The following PLCE1 variants were observed in gnomAD, a reference collection of about 807,000 sequenced individuals.
PLCE1 encodes the protein phospholipase C epsilon 1.
A neutral mutation model predicts 242.8 loss-of-function variants in PLCE1; 119 were observed. The ratio of observed to expected loss-of-function variants is 0.49; its 90% CI spans 0.42 to 0.57. The LOEUF (loss-of-function observed/expected upper bound fraction) is 0.57, where lower values mean the gene tolerates loss of function less well. Ranked by LOEUF, PLCE1 falls within the 20% of genes least tolerant of loss-of-function variation. The probability of loss-of-function intolerance (pLI) is 0.00; values close to 1 mark genes in which losing one functional copy is unlikely to be tolerated. For missense variants in PLCE1, 2,441 were observed against 2,788.8 expected (o/e 0.88, Z 2.81); for synonymous variants, 945 against 1,017.4 (o/e 0.93, Z 1.35).
At chr10:94,259,285 A>ATT (rs369272321) in intron 13 of PLCE1, 135 bp downstream of exon 13, 1,687 of 727,142 alleles carry the variant, frequency 2.3e-3, no homozygotes, top group Non-Finnish European at 3.0e-3. Context: ...ACTTAAGAGA[A>ATT]TTTTTTTTTT....
chr10:94,234,254 G>A lies in PLCE1; in HGVS notation c.2156G>A (p.Gly719Asp). Residue 719 changes from glycine to aspartate, a missense_variant, in exon 6 of 33, where the codon GGC (glycine) becomes GAC (aspartate). Gly to Asp is a moderately conservative substitution (Grantham distance 94). This residue lies in a region of PLCE1 where 733 missense variants were observed against 754.2 expected (regional missense o/e 0.97). Transcript: ENST00000371380. ...AAGGAGCTCTGTGAAGTGCTTGACG[G>A]CGCCTCCGGTCTCATGAAGCTTTGC... The part of the protein sequence containing the change: ...FLKELCEVLD[G>D]ASGLMKLCPR... The A allele has an allele frequency of 1.9e-6, 3 of 1,614,134 alleles. No individual in the cohort carries two copies. Among genetic ancestry groups the A allele is most frequent in the Non-Finnish European group, 2.5e-6 (3 of 1,179,992 alleles).
intron 23 of PLCE1, among the ~76,000 whole-genome samples, chr10:94,296,170 G>A (rs571947768): frequency 6.6e-6 from 1 of 152,044 alleles, no homozygotes; most frequent in Admixed American, 6.5e-5. Flanking sequence ...AGACCATCCT[G>A]GCTAACACGG....
chr10:94,270,542 C>CAT lies in PLCE1; in HGVS notation c.4449_4450dup (p.Ser1484TyrfsTer28). ...TCATCAACTCTGACCTGCCAATCAT[C>CAT]ATATCGATTGAGAACCACTGTTCAT... On this transcript the variant is annotated frameshift_variant, in exon 18 of 33. Transcript: ENST00000371380. LOFTEE classifies it high-confidence loss of function. 1 of 1,614,024 alleles carries CAT rather than the reference C, an allele frequency of 6.2e-7. No homozygotes were observed.
At chr10:94,290,167 C>T (rs909935260) in intron 22 of PLCE1, among the ~76,000 whole-genome samples, 1 of 151,814 alleles carries the variant, frequency 6.6e-6, no homozygotes, top group Admixed American at 6.6e-5. Flanking sequence ...GCTAGGACTA[C>T]AGGCATGTGC....
intron 4 of PLCE1, among the ~76,000 whole-genome samples, chr10:94,217,985 C>A (rs1488316189): frequency 2.0e-5 from 3 of 150,908 alleles, no homozygotes; most frequent in Non-Finnish European, 3.0e-5. Context: ...TACTTATACA[C>A]AAGGGTAAGA....
chr10:94,012,248 C>G (rs975553928), intron 1 of PLCE1, among the ~76,000 whole-genome samples: 10 of 151,868 alleles, frequency 6.6e-5, no homozygotes, highest in Non-Finnish European at 1.3e-4. Flanking sequence ...CTGTTTGCAG[C>G]ACAGGGAACT....
At chr10:94,307,485 G>A (rs17516904) in intron 26 of PLCE1, among the ~76,000 whole-genome samples, 21,355 of 152,188 alleles carry the variant, frequency 0.14, 1,646 homozygotes, top group Middle Eastern at 0.28. Flanking sequence ...CAAGTAGCCC[G>A]TGGTCATTTA....
chr10:94,232,831 T>C (rs1456524342), intron 5 of PLCE1, among the ~76,000 whole-genome samples: 1 of 152,160 alleles, frequency 6.6e-6, no homozygotes, highest in Non-Finnish European at 1.5e-5. Context: ...ACATATCTAC[T>C]GGAATCCTCT....
intron 2 of PLCE1, among the ~76,000 whole-genome samples, chr10:94,058,664 C>A (rs1167043213): frequency 6.6e-6 from 1 of 152,128 alleles, no homozygotes; most frequent in Non-Finnish European, 1.5e-5. Context: ...GCTCAAAGTC[C>A]TGGGTTCTGG....
intron 2 of PLCE1, among the ~76,000 whole-genome samples, chr10:94,075,303 C>A (rs557375162): frequency 6.6e-6 from 1 of 152,186 alleles, no homozygotes; most frequent in African/African-American, 2.4e-5. Flanking sequence ...CCATCTAATA[C>A]GAAGTAGGTG....
intron 27 of PLCE1, 69 bp downstream of exon 27, chr10:94,308,768 C>A: frequency 2.0e-6 from 2 of 992,058 alleles, no homozygotes; most frequent in Non-Finnish European, 3.3e-6. Flanking sequence ...TTTTTTGTGG[C>A]CCAGCAAAGT....
At chr10:94,277,511 G>A (rs957982678) in intron 19 of PLCE1, among the ~76,000 whole-genome samples, 2 of 152,088 alleles carry the variant, frequency 1.3e-5, no homozygotes, top group Non-Finnish European at 2.9e-5. Context: ...TGGGGGCCTT[G>A]GCACTCCACT....
intron 1 of PLCE1, among the ~76,000 whole-genome samples, chr10:94,019,900 AT>A (rs1461633163): frequency 6.6e-6 from 1 of 152,102 alleles, no homozygotes. Flanking sequence ...ACTACAAGTT[AT>A]TTATTTGTCT....
chr10:94,301,301 G>C (rs895897604), intron 24 of PLCE1, among the ~76,000 whole-genome samples: 1 of 151,604 alleles, frequency 6.6e-6, no homozygotes, highest in Non-Finnish European at 1.5e-5. Flanking sequence ...CCGAGATCGC[G>C]CCACTGCACT....
chr10:94,244,294 C>A (rs976436728), intron 7 of PLCE1, among the ~76,000 whole-genome samples: 1 of 152,182 alleles, frequency 6.6e-6, no homozygotes, highest in Non-Finnish European at 1.5e-5. Context: ...AGCATGAGAG[C>A]CTTCCTTCCC....
At chr10:94,068,323 A>G (rs1032609680) in intron 2 of PLCE1, among the ~76,000 whole-genome samples, 1 of 152,208 alleles carries the variant, frequency 6.6e-6, no homozygotes, top group African/African-American at 2.4e-5. Flanking sequence ...TTGTAATAGT[A>G]CAGTTGACCC....
intron 4 of PLCE1, among the ~76,000 whole-genome samples, chr10:94,193,705 C>G (rs777511183): frequency 2.0e-5 from 3 of 152,172 alleles, no homozygotes; most frequent in Non-Finnish European, 4.4e-5. Flanking sequence ...GGGGCCAAAA[C>G]GAATTTCAAA....
At chr10:94,136,352 C>T (rs979340217) in intron 3 of PLCE1, among the ~76,000 whole-genome samples, 10 of 152,074 alleles carry the variant, frequency 6.6e-5, no homozygotes, top group Admixed American at 6.6e-4. Context: ...TTACTTAATA[C>T]CACTGAATTG....
intron 27 of PLCE1, among the ~76,000 whole-genome samples, chr10:94,310,736 G>C (rs1006250613): frequency 1.3e-5 from 2 of 152,056 alleles, no homozygotes; most frequent in African/African-American, 4.8e-5. Context: ...TTTTACTCAC[G>C]ACACTTCTGA....
Sources: gnomAD v4.1 joint callset for allele counts (sites outside exome capture counted in the v4.1 genomes callset) on GRCh38, gnomAD v4.1.1 for gene constraint, gnomAD v4.1.1 regional missense constraint, MANE v1.5 for transcripts, NCBI Gene and HGNC (gene_info 2026-07-23, HGNC 2026-07-21) for gene names.